CCDC88C: variants seen among roughly 807,000 people sequenced by gnomAD.
CCDC88C encodes the protein coiled-coil and HOOK domain protein 88C.
CCDC88C carries 131 observed loss-of-function variants against 198.8 expected under a neutral mutation model. The ratio of observed to expected loss-of-function variants is 0.66; its 90% CI spans 0.57 to 0.76. CCDC88C has a LOEUF of 0.76. Among genes scored for constraint, CCDC88C ranks in the 30% least tolerant of loss-of-function variants. CCDC88C has a pLI of 0.00. For missense variants in CCDC88C, 2,553 were observed against 2,631.6 expected, an observed-to-expected ratio of 0.97 and a Z score of 0.65; for synonymous variants, 1,166 against 1,114.7, an observed-to-expected ratio of 1.05 and a Z score of -0.92.
rs1347787156 is a variant in CCDC88C, at chr14:91,314,134, T to C, written c.1682A>G (p.Gln561Arg). 3 of 1,610,962 alleles carry C rather than the reference T, an allele frequency of 1.9e-6. No individual in the cohort carries two copies. Residue 561 changes from glutamine to arginine, a missense_variant, in exon 15 of 30, where the codon CAG becomes CGG. Transcript: ENST00000389857. ...DKARQIKDLE[Q>R]EKDHLNRAMW... ...GGCTCGGTTGAGGTGGTCCTTTTCC[T>C]GCTCAAGGTCCTTGATCTACGGGAA...
chr14:91,353,274 G>C (rs1032837033), intron 4 of CCDC88C, among the ~76,000 whole-genome samples: 6 of 152,076 alleles, frequency 3.9e-5, no homozygotes, highest in African/African-American at 1.4e-4. Flanking sequence ...CGCTTTCTCT[G>C]TCCGTGGCTT....
intron 4 of CCDC88C, among the ~76,000 whole-genome samples, chr14:91,344,728 T>C (rs1436248979): frequency 6.6e-6 from 1 of 151,602 alleles, no homozygotes; most frequent in Non-Finnish European, 1.5e-5. Flanking sequence ...CTCAATCTCC[T>C]GACCTCGTGA....
chr14:91,402,806 T>C (rs1346761476), intron 3 of CCDC88C, among the ~76,000 whole-genome samples: 1 of 152,232 alleles, frequency 6.6e-6, no homozygotes, highest in Non-Finnish European at 1.5e-5. Context: ...CCACTTGTAC[T>C]GTTTTATTTT....
intron 10 of CCDC88C, among the ~76,000 whole-genome samples, chr14:91,333,664 A>T (rs1228277118): frequency 1.3e-5 from 2 of 152,234 alleles, no homozygotes. Context: ...TAGTTTTTTA[A>T]AAGTAAAGGT....
intron 28 of CCDC88C, 100 bp downstream of exon 28, chr14:91,279,138 G>T: frequency 1.1e-6 from 1 of 932,918 alleles, no homozygotes; most frequent in Non-Finnish European, 1.7e-6. Context: ...GGGCTCAAGC[G>T]ATCCACCTGC....
At chr14:91,345,190 A>ATATATAT (rs1246878587) in intron 4 of CCDC88C, among the ~76,000 whole-genome samples, 1 of 52,200 alleles carries the variant, frequency 1.9e-5, no homozygotes, top group South Asian at 7.2e-4. Flanking sequence ...ATATATATAT[A>ATATATAT]TTTTTTTTTT....
chr14:91,294,567 G>A (rs1444746888), intron 22 of CCDC88C, among the ~76,000 whole-genome samples: 2 of 152,230 alleles, frequency 1.3e-5, no homozygotes, highest in Non-Finnish European at 1.5e-5. Flanking sequence ...CAGCTAGTCT[G>A]AATCATGATG....
chr14:91,315,962 C>A (rs1262975048), intron 13 of CCDC88C, 175 bp from the exon 14 acceptor site: 4 of 620,568 alleles, frequency 6.4e-6, no homozygotes, highest in Non-Finnish European at 1.1e-5. Context: ...ACTCTTAAGA[C>A]AGAAAGTCAC....
chr14:91,290,398 C>G (rs1890609470), intron 24 of CCDC88C, among the ~76,000 whole-genome samples: 1 of 152,238 alleles, frequency 6.6e-6, no homozygotes, highest in South Asian at 2.1e-4. Flanking sequence ...ATTTTGACTT[C>G]AAGGCTGGGC....
intron 25 of CCDC88C, among the ~76,000 whole-genome samples, chr14:91,287,771 G>A (rs766400113): frequency 1.3e-5 from 2 of 148,606 alleles, no homozygotes; most frequent in South Asian, 2.2e-4. Context: ...TATATCCTCC[G>A]CCTCCAAGAC....
chr14:91,297,355 G>T lies in CCDC88C; in HGVS notation c.3916C>A (p.Gln1306Lys). 1.2e-6 allele frequency: 2 copies of T among 1,613,726 alleles called. No homozygotes were observed. Among genetic ancestry groups the T allele is most frequent in the South Asian group, 1.1e-5 (1 of 90,986 alleles). The part of the protein sequence containing the change: ...WQARFDELKE[Q>K]HQTMDISLTK... ...AGCGAGATGTCCATGGTCTGGTGCT[G>T]CTCCTTCAGCTCGTCGAAGCGGGCC... Residue 1306 changes from glutamine to lysine, a missense_variant, in exon 22 of 30, where the codon CAG becomes AAG. Physicochemically the swap from Gln to Lys is moderately conservative, Grantham distance 53 (BLOSUM62 1). Transcript: ENST00000389857.
intron 3 of CCDC88C, among the ~76,000 whole-genome samples, chr14:91,389,591 G>A (rs541431673): frequency 6.6e-6 from 1 of 152,154 alleles, no homozygotes; most frequent in Non-Finnish European, 1.5e-5. Context: ...AGTGAAAAAA[G>A]ATTTTTGGCT....
At chr14:91,342,196 G>T (rs570292400) in intron 6 of CCDC88C, 184 bp downstream of exon 6, 111 of 417,532 alleles carry the variant, frequency 2.7e-4, no homozygotes, top group African/African-American at 1.7e-3. Context: ...TATTTTAGCT[G>T]GCTGATTGAT....
chr14:91,414,652 C>T (rs966825894), intron 2 of CCDC88C, among the ~76,000 whole-genome samples: 1 of 152,194 alleles, frequency 6.6e-6, no homozygotes, highest in African/African-American at 2.4e-5. Context: ...AAACCATGCC[C>T]ACCCGCTCTC....
chr14:91,275,308 T>A (rs1448723720), intron 29 of CCDC88C, among the ~76,000 whole-genome samples: 1 of 151,998 alleles, frequency 6.6e-6, no homozygotes, highest in Non-Finnish European at 1.5e-5. Context: ...CAGTCTGAGC[T>A]GAGCAGGGAG....
intron 3 of CCDC88C, among the ~76,000 whole-genome samples, chr14:91,399,935 G>T (rs1007349822): frequency 6.6e-6 from 1 of 150,692 alleles, no homozygotes; most frequent in African/African-American, 2.4e-5. Context: ...CGCAAGAGAC[G>T]CCCCAACCTT....
rs1893144746 is a variant in CCDC88C, at chr14:91,338,282, G to A, written c.892-119C>T. On this transcript the variant is annotated intron_variant, in intron 9 of 29. Coordinates refer to ENST00000389857, the MANE Select transcript of CCDC88C (RefSeq NM_001080414.4). The surrounding 1 kb of genome is among the most constrained non-coding windows in gnomAD (Gnocchi z 4.8). ...GGCCCAGGACAAGCCAGCTCCTGGT[G>A]GCCGGGGGCCTCCATGTGCCACCAC... 2.4e-6 allele frequency: 3 copies of A among 1,265,080 alleles called. No individual in the cohort carries two copies. In the South Asian group the frequency reaches 4.2e-5, roughly 18 times the overall value. 78.4% of individuals were successfully genotyped at this position (1,265,080 alleles called of 1,614,324 possible). A position where few individuals can be genotyped will look rare whatever the true frequency, so the allele number is the denominator to read the frequency against.
intron 25 of CCDC88C, among the ~76,000 whole-genome samples, chr14:91,286,499 T>A (rs1890414763): frequency 6.6e-6 from 1 of 152,252 alleles, no homozygotes; most frequent in South Asian, 2.1e-4. Flanking sequence ...TAGCCTCTAG[T>A]GTCTTAACAA....
intron 1 of CCDC88C, chr14:91,417,407 G>A: frequency 1.7e-6 from 1 of 572,156 alleles, no homozygotes; most frequent in South Asian, 2.1e-5. Flanking sequence ...GGCCGAAAGC[G>A]CGGCGGGGTC....
Sources: gnomAD v4.1 joint callset for allele counts (sites outside exome capture counted in the v4.1 genomes callset) on GRCh38, gnomAD v4.1.1 for gene constraint, Gnocchi (gnomAD v3.1) non-coding constraint, MANE v1.5 for transcripts, NCBI Gene and HGNC (gene_info 2026-07-23, HGNC 2026-07-21) for gene names.